FAM120A: variants seen among roughly 807,000 people sequenced by gnomAD.
FAM120A encodes the protein family with sequence similarity 120 member A.
Under a neutral mutation model 109.7 loss-of-function variants are expected in FAM120A, and 15 were observed. That is an observed-to-expected ratio of 0.14 (90% CI 0.09 to 0.21). FAM120A has a LOEUF of 0.21. FAM120A is among the 10% of genes least tolerant of loss of function. FAM120A has a pLI of 1.00. For missense variants in FAM120A, 899 were observed against 1,439.3 expected (o/e 0.62, Z 6.07); for synonymous variants, 493 against 572.8 (o/e 0.86, Z 1.99).
chr9:93,564,577 G>A lies in FAM120A; in HGVS notation c.*37G>A, dbSNP rs1862578319. 2.6e-6 allele frequency: 4 copies of A among 1,533,038 alleles called. No individual in the cohort carries two copies. Among genetic ancestry groups the A allele is most frequent in the Non-Finnish European group, 3.6e-6 (4 of 1,124,508 alleles). 95.0% of individuals were successfully genotyped at this position (1,533,038 alleles called of 1,614,324 possible). ...ATAGAGGGTGAAGGATGCTGGAAGG[G>A]TAAGGATTTAGGAATATCTGGAGAG... is the stretch of plus-strand genomic sequence containing the variant. On this transcript the variant is annotated 3_prime_UTR_variant, in exon 18 of 18. Coordinates refer to ENST00000277165, the MANE Select transcript of FAM120A (RefSeq NM_014612.5).
At chr9:93,549,067 CA>C (rs202093808) in intron 11 of FAM120A, among the ~76,000 whole-genome samples, 47 of 150,232 alleles carry the variant, frequency 3.1e-4, no homozygotes, top group Admixed American at 9.9e-4. Flanking sequence ...AAAAACAAAC[CA>C]AAAAAAAACC....
intron 3 of FAM120A, among the ~76,000 whole-genome samples, chr9:93,494,414 C>A (rs1440501132): frequency 6.6e-6 from 1 of 152,210 alleles, no homozygotes. Context: ...AAGTCTCCAT[C>A]CTGCACGTGG....
intron 3 of FAM120A, among the ~76,000 whole-genome samples, chr9:93,489,776 T>G (rs1859232770): frequency 6.6e-6 from 1 of 152,238 alleles, no homozygotes; most frequent in African/African-American, 2.4e-5. Context: ...CTGACAATTC[T>G]GGGGTCTATG....
intron 1 of FAM120A, among the ~76,000 whole-genome samples, chr9:93,455,724 G>A (rs1040405230): frequency 2.0e-5 from 3 of 151,580 alleles, no homozygotes; most frequent in South Asian, 2.1e-4. Flanking sequence ...GTGCAGTGGC[G>A]CGATCTCGGC....
At chr9:93,487,019 A>G (rs566196021) in intron 3 of FAM120A, among the ~76,000 whole-genome samples, 9 of 151,774 alleles carry the variant, frequency 5.9e-5, no homozygotes, top group Non-Finnish European at 7.4e-5. Flanking sequence ...TTTGATTTGC[A>G]TTTCTTTGAT....
intron 5 of FAM120A, among the ~76,000 whole-genome samples, chr9:93,506,848 G>A (rs991627282): frequency 1.3e-5 from 2 of 151,964 alleles, no homozygotes; most frequent in African/African-American, 4.8e-5. Flanking sequence ...TGCCCACCTC[G>A]GCCTCCCAAA....
chr9:93,476,476 G>A (rs1588805642), intron 3 of FAM120A, 138 bp downstream of exon 3: 1 of 614,990 alleles, frequency 1.6e-6, no homozygotes, highest in East Asian at 2.9e-5. Context: ...TTCAGGATCT[G>A]CACTGCCTTA....
At chr9:93,516,675 C>T (rs1401076647) in intron 7 of FAM120A, among the ~76,000 whole-genome samples, 3 of 152,054 alleles carry the variant, frequency 2.0e-5, no homozygotes, top group Admixed American at 1.3e-4. Context: ...TCTGAATTTC[C>T]TCTCCTTCTC....
chr9:93,452,974 C>T lies in FAM120A; in HGVS notation c.474+585C>T, dbSNP rs1857346458. 7.4e-7 allele frequency: 1 copy of T among 1,354,822 alleles called. No homozygotes were observed. Among genetic ancestry groups the T allele is most frequent in the African/African-American group, 1.5e-5 (1 of 67,178 alleles). 83.9% of individuals were successfully genotyped at this position (1,354,822 alleles called of 1,614,324 possible). ...TCTACTTCAGAACGCAGTGCCCTGT[C>T]CGTGTTCCTCTTAGTACAGGGTGTT... On this transcript the variant is annotated intron_variant, in intron 1 of 17. Transcript: ENST00000277165. The surrounding 1 kb of genome is among the most constrained non-coding windows in gnomAD (Gnocchi z 7.0).
At chr9:93,458,658 G>A (rs1564304439) in intron 1 of FAM120A, among the ~76,000 whole-genome samples, 1 of 152,150 alleles carries the variant, frequency 6.6e-6, no homozygotes, top group Non-Finnish European at 1.5e-5. Context: ...AAAAATAACG[G>A]AGTAAAATAG....
chr9:93,473,512 T>C (rs1858405431), intron 2 of FAM120A, among the ~76,000 whole-genome samples: 1 of 152,190 alleles, frequency 6.6e-6, no homozygotes, highest in African/African-American at 2.4e-5. Flanking sequence ...GGTTTCATCA[T>C]GTTGGCCAGG....
At chr9:93,467,244 T>TCC (rs1453962474) in intron 1 of FAM120A, among the ~76,000 whole-genome samples, 21 of 38,744 alleles carry the variant, frequency 5.4e-4, no homozygotes, top group South Asian at 1.1e-3. Context: ...AGATCTGCTG[T>TCC]CACCCCCCCC....
intron 5 of FAM120A, among the ~76,000 whole-genome samples, chr9:93,502,110 T>C (rs1859828652): frequency 6.6e-6 from 1 of 152,236 alleles, no homozygotes; most frequent in Admixed American, 6.5e-5. Flanking sequence ...CAGTCCATTA[T>C]ATTATTCTAC....
intron 7 of FAM120A, among the ~76,000 whole-genome samples, chr9:93,524,047 A>C (rs1424684601): frequency 1.3e-5 from 2 of 152,244 alleles, no homozygotes; most frequent in Admixed American, 1.3e-4. Flanking sequence ...AGCAGGGCCC[A>C]GGCCCTCTTT....
chr9:93,454,059 C>T (rs1857432813), intron 1 of FAM120A, among the ~76,000 whole-genome samples: 1 of 152,120 alleles, frequency 6.6e-6, no homozygotes. Flanking sequence ...GTTTCTTTAT[C>T]TTTGCACCCC....
At position 93,498,636 on chromosome 9, in the gene FAM120A, A is replaced by G. The variant is rs564133238; in HGVS notation, c.934-154A>G. Among the ~76,000 whole-genome samples the G allele has an allele frequency of 4.6e-5, 7 of 152,320 alleles. No homozygotes were observed. In the South Asian group the frequency reaches 1.0e-3, roughly 23 times the overall value. The stretch of plus-strand genomic sequence containing the variant: ...TGGTTTGATTCTTTTGTAGTAATCT[A>G]TTGATTTTCCCTGAAAGTTTTAATG... On this transcript the variant is annotated intron_variant, in intron 4 of 17. Coordinates refer to ENST00000277165, the MANE Select transcript of FAM120A (RefSeq NM_014612.5). The surrounding 1 kb of genome is among the most constrained non-coding windows in gnomAD (Gnocchi z 4.4).
intron 5 of FAM120A, among the ~76,000 whole-genome samples, chr9:93,504,917 A>G (rs900564307): frequency 6.6e-6 from 1 of 152,048 alleles, no homozygotes; most frequent in African/African-American, 2.4e-5. Flanking sequence ...TTTTTGGTCT[A>G]GTGATTATGA....
intron 3 of FAM120A, among the ~76,000 whole-genome samples, chr9:93,486,528 CTTTTTTCTTTTT>C (rs1859063599): frequency 6.8e-6 from 1 of 147,302 alleles, no homozygotes. Flanking sequence ...TTTTTCTTTT[CTTTTTTCTTTTT>C]TTTTTTTTTG....
At chr9:93,538,013 A>T (rs12551084) in intron 10 of FAM120A, among the ~76,000 whole-genome samples, 11,676 of 151,626 alleles carry the variant, frequency 0.077, 581 homozygotes, top group East Asian at 0.11. Context: ...TTTTGGATTA[A>T]TATTCATTTC....
Sources: gnomAD v4.1 joint callset for allele counts (sites outside exome capture counted in the v4.1 genomes callset) on GRCh38, gnomAD v4.1.1 for gene constraint, Gnocchi (gnomAD v3.1) non-coding constraint, MANE v1.5 for transcripts, NCBI Gene and HGNC (gene_info 2026-07-23, HGNC 2026-07-21) for gene names.